The following PLIN2 variants were observed in gnomAD, a reference collection of about 807,000 sequenced individuals.
PLIN2 encodes perilipin 2.
In PLIN2, 33 loss-of-function variants were observed where a neutral mutation model predicts 30.6. The ratio of observed to expected loss-of-function variants is 1.08; its 90% CI spans 0.82 to 1.44. The LOEUF (loss-of-function observed/expected upper bound fraction) is 1.44. Among genes scored for constraint, PLIN2 ranks in the 40% most tolerant of loss-of-function variants. PLIN2 has a pLI of 0.00. For synonymous variants in PLIN2, 205 were observed against 201.1 expected, an observed-to-expected ratio of 1.02 and a Z score of -0.16; for missense variants, 610 against 531.8, an observed-to-expected ratio of 1.15 and a Z score of -1.45.
downstream of PLIN2, among the ~76,000 whole-genome samples, chr9:19,113,579 CTTTTTTTTT>C (rs371242536): frequency 1.5e-5 from 2 of 137,304 alleles, no homozygotes; most frequent in Non-Finnish European, 3.2e-5. Flanking sequence ...TTGATAAAAA[CTTTTTTTTT>C]TTTTTTTTTG....
intron 5 of PLIN2, 76 bp downstream of exon 5, chr9:19,120,804 A>G (rs1588645246): frequency 8.6e-7 from 1 of 1,168,546 alleles, no homozygotes; most frequent in East Asian, 2.3e-5. Flanking sequence ...TAGACTCAAG[A>G]TGAGAGTATA....
At chr9:19,117,657 G>A (rs1818249648) in intron 7 of PLIN2, among the ~76,000 whole-genome samples, 2 of 148,012 alleles carry the variant, frequency 1.4e-5, no homozygotes, top group South Asian at 4.3e-4. Context: ...TTACTCTGTT[G>A]CCCAGGCTGG....
intron 4 of PLIN2, chr9:19,123,128 C>G: frequency 1.9e-6 from 1 of 514,856 alleles, no homozygotes; most frequent in Non-Finnish European, 3.5e-6. Flanking sequence ...TTATCTGAAC[C>G]AAAGGATCAC....
rs1050237313 is a variant in PLIN2, at chr9:19,126,553, G to A, written c.-22-105C>T. The A allele has an allele frequency of 1.5e-5, 11 of 741,062 alleles. No individual in the cohort carries two copies. In the African/African-American group the frequency reaches 1.6e-4, roughly 11 times the overall value. 45.9% of individuals were successfully genotyped at this position (741,062 alleles called of 1,614,324 possible). On this transcript the variant is annotated intron_variant, in intron 1 of 7. Coordinates refer to ENST00000276914, the MANE Select transcript of PLIN2 (RefSeq NM_001122.4). The stretch of plus-strand genomic sequence containing the variant: ...ACAAGTAGAGAAAAATGCAGGGTGA[G>A]CTCCCTGTAGTCTTCTGCACTTCTT...
chr9:19,111,724 C>G (rs147400277), downstream of PLIN2, among the ~76,000 whole-genome samples: 3 of 152,208 alleles, frequency 2.0e-5, no homozygotes, highest in Non-Finnish European at 4.4e-5. Context: ...TAAAACAAGT[C>G]TTTGGCTTAA....
rs758143435 is a variant in PLIN2, at chr9:19,126,204, C to A, written c.136G>T (p.Val46Leu). 3 of 1,614,174 alleles carry A rather than the reference C, an allele frequency of 1.9e-6. No homozygotes were observed. The South Asian group carries it at 3.3e-5, about 18-fold the overall frequency. Residue 46 changes from valine to leucine, a missense_variant, in exon 3 of 8, where the codon GTG becomes TTG. Coordinates refer to ENST00000276914, the MANE Select transcript of PLIN2 (RefSeq NM_001122.4). ...TKDQYPYLKS[V>L]CEMAENGVKT... is the part of the protein sequence containing the mutation. ...ACACCGTTCTCTGCCATCTCACACA[C>A]AGACTTCAGGTAGGGATACTGGTCC...
In PLIN2 at chr9:19,123,523, CAT is replaced by C. The variant is rs751805274; in HGVS notation, c.309+40_309+41del. ...TGTTTTAACAGATAGAAGATGAAAA[CAT>C]GTGAAGTGTCAAGTCTCAGCACTTT... On this transcript the variant is annotated intron_variant, in intron 4 of 7. Transcript: ENST00000276914. 5.0e-6 allele frequency: 8 copies of C among 1,613,846 alleles called. No individual in the cohort carries two copies. The African/African-American group carries it at 6.7e-5, about 13-fold the overall frequency.
chr9:19,113,500 C>T (rs1456005831), downstream of PLIN2, among the ~76,000 whole-genome samples: 1 of 152,076 alleles, frequency 6.6e-6, no homozygotes, highest in Non-Finnish European at 1.5e-5. Flanking sequence ...GGATTTCCCA[C>T]CTACTCTCCA....
rs189086340 is a variant in PLIN2, at chr9:19,126,985, T to A, written c.-23+434A>T. On this transcript the variant is annotated intron_variant, in intron 1 of 7. Transcript: ENST00000276914. ...TGAACCCGGGAGGCGGAGGTTGCAGTGAGCCTAGATGGCGTCACTGCACTC... is the reference window on the plus strand; with the variant it reads ...TGAACCCGGGAGGCGGAGGTTGCAGAGAGCCTAGATGGCGTCACTGCACTC... Among the ~76,000 whole-genome samples, 1,333 of 152,086 alleles carry A rather than the reference T, an allele frequency of 8.8e-3. 6 individuals are homozygous for A. Among genetic ancestry groups the A allele is most frequent in the Non-Finnish European group, 0.015 (1,011 of 67,972 alleles).
chr9:19,126,133 G>T lies in PLIN2; in HGVS notation c.207C>A (p.Ile69=). The T allele has an allele frequency of 6.2e-7, 1 of 1,613,958 alleles. No homozygotes were observed. The highest frequency in any genetic ancestry group is 8.5e-7 in the Non-Finnish European group (1 of 1,179,866). ...SVAMTSALPI[I]QKLEPQIAVA... ...ACTCACTTTGCGGCTCTAGCTTCTG[G>T]ATGATGGGCAGAGCACTGGTCATGG... is the stretch of plus-strand genomic sequence containing the variant. The change falls in exon 3 of 8, where the codon ATC becomes ATA. Residue 69 remains isoleucine (I), a synonymous_variant. Transcript: ENST00000276914.
downstream of PLIN2, among the ~76,000 whole-genome samples, chr9:19,113,323 G>C (rs982403602): frequency 3.3e-5 from 5 of 150,882 alleles, no homozygotes; most frequent in African/African-American, 4.9e-5. Flanking sequence ...AACAGAGCAA[G>C]ACTCTGCCTC....
downstream of PLIN2, among the ~76,000 whole-genome samples, chr9:19,111,012 G>A (rs922678183): frequency 4.0e-5 from 6 of 151,824 alleles, no homozygotes; most frequent in South Asian, 6.2e-4. Context: ...TTTTCCCCTC[G>A]ACTGCCTTCC....
chr9:19,113,333 C>CA (rs577540767), downstream of PLIN2, among the ~76,000 whole-genome samples: 1,409 of 139,582 alleles, frequency 0.01, 23 homozygotes, highest in African/African-American at 0.034. Flanking sequence ...GACTCTGCCT[C>CA]AAAAAAAAAA....
At chr9:19,109,068 A>G (rs966274212) in intron 2 of PLIN2, among the ~76,000 whole-genome samples, 1 of 152,188 alleles carries the variant, frequency 6.6e-6, no homozygotes. Flanking sequence ...CCACTTTTCC[A>G]TAAGCAAGTG....
chr9:19,114,914 T>A (rs766730641), downstream of PLIN2, among the ~76,000 whole-genome samples: 2 of 152,178 alleles, frequency 1.3e-5, no homozygotes, highest in African/African-American at 2.4e-5. Flanking sequence ...TATACGTATG[T>A]CCCCAACAAC....
At chr9:19,126,348 C>G (rs768166950) in intron 2 of PLIN2, 39 bp from the exon 3 acceptor site, 2 of 1,613,660 alleles carry the variant, frequency 1.2e-6, no homozygotes, top group Admixed American at 3.3e-5. Flanking sequence ...ATTAATCTCT[C>G]AAAACACAAA....
chr9:19,126,543 T>C, intron 1 of PLIN2, 95 bp from the exon 2 acceptor site: 1 of 812,038 alleles, frequency 1.2e-6, no homozygotes, highest in Non-Finnish European at 2.1e-6. Flanking sequence ...TAGAGAAAAA[T>C]GCAGGGTGAG....
downstream of PLIN2, among the ~76,000 whole-genome samples, chr9:19,115,134 G>A (rs902085164): frequency 7.9e-5 from 12 of 152,136 alleles, no homozygotes; most frequent in African/African-American, 2.9e-4. Context: ...GACATGACTA[G>A]GCCCTTTTAC....
At position 19,123,639 on chromosome 9, in the gene PLIN2, C is replaced by A; in HGVS notation, c.235G>T (p.Ala79Ser). The change falls in exon 4 of 8, where the codon GCC becomes TCC. Residue 79 changes from alanine to serine, a missense_variant. By Grantham distance (99) the Ala-to-Ser change is moderately conservative. Transcript: ENST00000276914. Reference sequence around the variant, plus strand: ...AGCCCCTTACAGGCATAGGTATTGGCAACTGCAACTAGAATCACAAATGGG... The same window carrying A: ...AGCCCCTTACAGGCATAGGTATTGGAAACTGCAACTAGAATCACAAATGGG... ...IQKLEPQIAVANTYACKGLDR... is the reference protein window; with the variant it reads ...IQKLEPQIAVSNTYACKGLDR... 1 of 1,612,894 alleles carries A rather than the reference C, an allele frequency of 6.2e-7. No homozygotes were observed. The highest frequency in any genetic ancestry group is 8.5e-7 in the Non-Finnish European group (1 of 1,179,104).
Sources: gnomAD v4.1 joint callset for allele counts (sites outside exome capture counted in the v4.1 genomes callset) on GRCh38, gnomAD v4.1.1 for gene constraint, MANE v1.5 for transcripts, NCBI Gene and HGNC (gene_info 2026-07-23, HGNC 2026-07-21) for gene names.